ZBTB46: variants seen among roughly 807,000 people sequenced by gnomAD.
ZBTB46 encodes zinc finger and BTB domain-containing protein 46.
A neutral mutation model predicts 44.1 loss-of-function variants in ZBTB46; 8 were observed. The observed-to-expected ratio is 0.18, with a 90% confidence interval of 0.11 to 0.33. The LOEUF (loss-of-function observed/expected upper bound fraction) is 0.33, where lower values mean the gene tolerates loss of function less well. ZBTB46 is among the 10% of genes least tolerant of loss of function. ZBTB46 has a pLI of 1.00. For synonymous variants in ZBTB46, 409 were observed against 382.3 expected (o/e 1.07, Z -0.81); for missense variants, 651 against 847.7 (o/e 0.77, Z 2.88).
chr20:63,769,970 G>A (rs780939899), intron 3 of ZBTB46, among the ~76,000 whole-genome samples: 7 of 152,326 alleles, frequency 4.6e-5, no homozygotes, highest in South Asian at 2.1e-4. Flanking sequence ...GTCAGAAGCC[G>A]TCCCCGCAGG....
intron 3 of ZBTB46, among the ~76,000 whole-genome samples, chr20:63,753,934 C>T (rs574492263): frequency 2.6e-5 from 4 of 152,366 alleles, no homozygotes; most frequent in South Asian, 2.1e-4. Flanking sequence ...TAAGCACCTG[C>T]CCTCCTGACC....
chr20:63,808,724 C>T (rs989048039), intron 1 of ZBTB46, among the ~76,000 whole-genome samples: 4 of 152,082 alleles, frequency 2.6e-5, no homozygotes, highest in Non-Finnish European at 5.9e-5. Context: ...CCTGTAATCC[C>T]AGCACTTTGG....
At chr20:63,813,782 G>C (rs974433186) in intron 1 of ZBTB46, among the ~76,000 whole-genome samples, 3 of 152,208 alleles carry the variant, frequency 2.0e-5, no homozygotes, top group Admixed American at 6.5e-5. Flanking sequence ...TTCAAGTAAA[G>C]CCACAGTGAA....
chr20:63,813,537 C>T (rs1443851574), intron 1 of ZBTB46, among the ~76,000 whole-genome samples: 5 of 152,210 alleles, frequency 3.3e-5, no homozygotes, highest in Non-Finnish European at 5.9e-5. Context: ...AACTGCTCCC[C>T]TGCCACTGCC....
intron 2 of ZBTB46, 82 bp downstream of exon 2, chr20:63,789,739 G>A (rs949531339): frequency 1.3e-5 from 19 of 1,515,642 alleles, no homozygotes; most frequent in Middle Eastern, 2.0e-4. Context: ...CTGGACATGC[G>A]TCACTGCCTC....
At position 63,746,983 on chromosome 20, in the gene ZBTB46, G is replaced by A. The variant is rs1363141728; in HGVS notation, c.1717C>T (p.Arg573Trp). The A allele has an allele frequency of 1.4e-5, 23 of 1,605,320 alleles. No individual in the cohort carries two copies. Among genetic ancestry groups the A allele is most frequent in the African/African-American group, 4.0e-5 (3 of 74,872 alleles). ...GGGCCTCCTGGGGGGCTGCGCGGCC[G>A]CGGCGAGTCTTCCTCATCCTTGTCG... The part of the protein sequence containing the change: ...ADDKDEEDSP[R>W]PRSPPGGPDK... Residue 573 changes from arginine to tryptophan, a missense_variant, in exon 5 of 5, where the codon CGG becomes TGG. By Grantham distance (101) the Arg-to-Trp change is moderately radical. Transcript: ENST00000245663.
intron 3 of ZBTB46, among the ~76,000 whole-genome samples, chr20:63,772,040 C>G (rs1395036608): frequency 7.2e-6 from 1 of 139,658 alleles, no homozygotes; most frequent in Non-Finnish European, 1.5e-5. Flanking sequence ...GGTCTTGTTG[C>G]CCAGGTTGGA....
chr20:63,791,474 C>T (rs1285689794), intron 1 of ZBTB46, among the ~76,000 whole-genome samples: 3 of 123,004 alleles, frequency 2.4e-5, no homozygotes, highest in South Asian at 5.4e-4. Flanking sequence ...CCAGCCTGGG[C>T]GACAGGGCGA....
intron 1 of ZBTB46, among the ~76,000 whole-genome samples, chr20:63,820,987 G>A (rs2092788872): frequency 1.3e-5 from 2 of 151,430 alleles, no homozygotes; most frequent in South Asian, 2.1e-4. Context: ...CCGCCTCCCA[G>A]GTTCAAAAGA....
At chr20:63,785,628 T>C (rs1192782607) in intron 2 of ZBTB46, among the ~76,000 whole-genome samples, 2 of 152,184 alleles carry the variant, frequency 1.3e-5, no homozygotes, top group Non-Finnish European at 2.9e-5. Context: ...TCCTCTTCTC[T>C]AAGATAGAAT....
chr20:63,763,123 T>C (rs1485958318), intron 3 of ZBTB46, among the ~76,000 whole-genome samples: 2 of 152,192 alleles, frequency 1.3e-5, no homozygotes, highest in African/African-American at 2.4e-5. Flanking sequence ...GCCTCCCAAA[T>C]TGCTGGGATT....
intron 3 of ZBTB46, among the ~76,000 whole-genome samples, chr20:63,761,892 T>C (rs899501831): frequency 2.0e-5 from 3 of 152,244 alleles, no homozygotes; most frequent in African/African-American, 7.2e-5. Context: ...TCTAGTGTCT[T>C]CTTGTTACTG....
chr20:63,806,759 C>T (rs1211649013), intron 1 of ZBTB46, among the ~76,000 whole-genome samples: 1 of 152,000 alleles, frequency 6.6e-6, no homozygotes, highest in Non-Finnish European at 1.5e-5. Flanking sequence ...CAGGCGCCCA[C>T]CACCACGCCC....
chr20:63,793,859 A>T (rs1286145616), intron 1 of ZBTB46, among the ~76,000 whole-genome samples: 1 of 152,182 alleles, frequency 6.6e-6, no homozygotes, highest in African/African-American at 2.4e-5. Context: ...TATAGTTAAA[A>T]AAATAAATAA....
At chr20:63,796,917 C>T (rs2092608188) in intron 1 of ZBTB46, among the ~76,000 whole-genome samples, 1 of 152,078 alleles carries the variant, frequency 6.6e-6, no homozygotes, top group South Asian at 2.1e-4. Context: ...GGCCTATAAT[C>T]CCAACACTTT....
At chr20:63,788,097 T>C (rs1240447799) in intron 2 of ZBTB46, 1 of 152,334 alleles carries the variant, frequency 6.6e-6, no homozygotes, top group Non-Finnish European at 1.5e-5. Flanking sequence ...CAGCACCTGC[T>C]AGGACACCTC....
At chr20:63,785,572 T>A (rs1310578028) in intron 2 of ZBTB46, among the ~76,000 whole-genome samples, 1 of 151,952 alleles carries the variant, frequency 6.6e-6, no homozygotes, top group Non-Finnish European at 1.5e-5. Flanking sequence ...ATAAAAAAAA[T>A]TTAAAAAAGG....
intron 3 of ZBTB46, among the ~76,000 whole-genome samples, chr20:63,755,730 T>C (rs1362323177): frequency 6.6e-6 from 1 of 152,226 alleles, no homozygotes; most frequent in Non-Finnish European, 1.5e-5. Flanking sequence ...CCATGATTTA[T>C]TTGTGATTTA....
rs59209531 is a variant in ZBTB46 at position 63,780,966 on chromosome 20, TA to T, written c.938-5005del. 3.9e-3 allele frequency among the ~76,000 whole-genome samples: 521 copies of T among 135,304 alleles called. 1 individual carries two copies. The highest frequency in any genetic ancestry group is 0.01 in the African/African-American group (364 of 35,702). The allele number at this position is 135,304 out of a possible 152,430, so 88.8% of individuals were successfully genotyped here. A position where few individuals can be genotyped will look rare whatever the true frequency, so the allele number is the denominator to read the frequency against. On this transcript the variant is annotated intron_variant, in intron 2 of 4. Transcript: ENST00000245663. ...CAACATGGTGAAACCCCATCTCTACTAAAAAAAAAAAAAAAAATACAAAAAT... is the reference window on the plus strand; with the variant it reads ...CAACATGGTGAAACCCCATCTCTACTAAAAAAAAAAAAAAAATACAAAAAT...
Sources: allele counts gnomAD v4.1 joint callset (sites outside exome capture counted in the v4.1 genomes callset), GRCh38; gene constraint gnomAD v4.1.1; transcripts MANE v1.5; gene names NCBI Gene and HGNC (gene_info 2026-07-23, HGNC 2026-07-21).